Variants in RBFOX1 observed in about 807,000 individuals in gnomAD.
RBFOX1 encodes RNA binding protein fox-1 homolog 1.
A neutral mutation model predicts 57.7 loss-of-function variants in RBFOX1; 8 were observed. The observed-to-expected ratio is 0.14, with a 90% CI of 0.08 to 0.25. The LOEUF (loss-of-function observed/expected upper bound fraction) is 0.25, where lower values mean the gene tolerates loss of function less well. Among genes scored for constraint, RBFOX1 ranks in the 10% least tolerant of loss-of-function variants. RBFOX1 has a pLI of 1.00. For missense variants in RBFOX1, 611 were observed against 548.5 expected (o/e 1.11, Z -1.14); for synonymous variants, 326 against 222.4 (o/e 1.47, Z -4.15).
At chr16:7,031,445 A>C (rs2042766080) in intron 3 of RBFOX1, among the ~76,000 whole-genome samples, 2 of 151,920 alleles carry the variant, frequency 1.3e-5, no homozygotes, top group Admixed American at 1.3e-4. Context: ...AAAATACAAA[A>C]ATTAGCTAGG....
intron 1 of RBFOX1, among the ~76,000 whole-genome samples, chr16:6,296,772 C>T (rs888754193): frequency 1.3e-5 from 2 of 152,122 alleles, no homozygotes; most frequent in South Asian, 4.1e-4. Context: ...GTGATCAGAT[C>T]CACATGAGTT....
intron 4 of RBFOX1, among the ~76,000 whole-genome samples, chr16:7,132,347 C>G (rs1235970614): frequency 1.3e-5 from 2 of 151,840 alleles, no homozygotes; most frequent in Non-Finnish European, 2.9e-5. Context: ...CCTATGTTCA[C>G]TGCAGCATTA....
chr16:6,650,134 G>C (rs1194393442), intron 2 of RBFOX1, among the ~76,000 whole-genome samples: 1 of 152,154 alleles, frequency 6.6e-6, no homozygotes, highest in African/African-American at 2.4e-5. Flanking sequence ...AATTTTTTGA[G>C]AAGCCTCCAC....
chr16:6,143,452 C>T (rs2096733990), intron 1 of RBFOX1, among the ~76,000 whole-genome samples: 1 of 152,100 alleles, frequency 6.6e-6, no homozygotes, highest in African/African-American at 2.4e-5. Flanking sequence ...GAGGTGATCC[C>T]AATGCTCACA....
chr16:5,503,908 A>T (rs1320115271), intron 2 of RBFOX1, among the ~76,000 whole-genome samples: 2 of 152,124 alleles, frequency 1.3e-5, no homozygotes, highest in Admixed American at 1.3e-4. Context: ...TTCTATCTCT[A>T]CAGATTTGCC....
intron 2 of RBFOX1, among the ~76,000 whole-genome samples, chr16:5,509,588 A>G (rs1255359480): frequency 6.6e-6 from 1 of 152,186 alleles, no homozygotes; most frequent in Non-Finnish European, 1.5e-5. Flanking sequence ...TCTCTTATTC[A>G]CAGAGCAGTG....
intron 3 of RBFOX1, among the ~76,000 whole-genome samples, chr16:5,672,553 G>T (rs540409480): frequency 6.6e-6 from 1 of 152,182 alleles, no homozygotes; most frequent in South Asian, 2.1e-4. Context: ...AGTGCGCCAC[G>T]TTCTCTGTAA....
chr16:7,275,312 A>C (rs760525912), intron 4 of RBFOX1, among the ~76,000 whole-genome samples: 6 of 152,214 alleles, frequency 3.9e-5, no homozygotes, highest in African/African-American at 7.2e-5. Context: ...TCGTTATATA[A>C]TATTCAAATG....
chr16:6,615,291 G>A (rs1263885479), intron 2 of RBFOX1, among the ~76,000 whole-genome samples: 3 of 152,068 alleles, frequency 2.0e-5, no homozygotes, highest in Admixed American at 6.6e-5. Flanking sequence ...AAATACATTC[G>A]TATTTAAGAT....
intron 10 of RBFOX1, among the ~76,000 whole-genome samples, chr16:7,623,609 C>T (rs1199734211): frequency 6.6e-6 from 1 of 152,178 alleles, no homozygotes; most frequent in Non-Finnish European, 1.5e-5. Flanking sequence ...TGTCAATACA[C>T]ATGAAGCTTT....
intron 1 of RBFOX1, among the ~76,000 whole-genome samples, chr16:5,272,201 A>T (rs1230381079): frequency 6.6e-6 from 1 of 152,218 alleles, no homozygotes; most frequent in African/African-American, 2.4e-5. Context: ...TTTCAAAATA[A>T]CTAAGAGGGT....
At chr16:7,369,266 C>G (rs2097525463) in intron 4 of RBFOX1, among the ~76,000 whole-genome samples, 1 of 152,032 alleles carries the variant, frequency 6.6e-6, no homozygotes, top group Non-Finnish European at 1.5e-5. Flanking sequence ...TCCTGCAGCT[C>G]TCGGGGGCTG....
At chr16:7,059,368 T>G (rs891201605) in intron 4 of RBFOX1, among the ~76,000 whole-genome samples, 12 of 152,204 alleles carry the variant, frequency 7.9e-5, no homozygotes, top group Non-Finnish European at 1.6e-4. Flanking sequence ...TAGAAATGCC[T>G]GCTTCTGTTC....
At chr16:7,307,797 C>T (rs1013351209) in intron 4 of RBFOX1, among the ~76,000 whole-genome samples, 1 of 152,182 alleles carries the variant, frequency 6.6e-6, no homozygotes, top group Admixed American at 6.5e-5. Context: ...GGTTGTCAAC[C>T]ACTTTCAGAT....
In RBFOX1 at chr16:6,745,509, T is replaced by C. The variant is rs572449213; in HGVS notation, c.-16+90859T>C. On this transcript the variant is annotated intron_variant, in intron 3 of 15. Transcript: ENST00000550418. ...AGATGCCTTAACATTTGAAAATCAA[T>C]TTATGAAATACACCATATTAACAAC... is the stretch of plus-strand genomic sequence containing the variant. 6.6e-5 allele frequency among the ~76,000 whole-genome samples: 10 copies of C among 152,294 alleles called. No individual in the cohort carries two copies. In the East Asian group the frequency reaches 1.9e-3, roughly 29 times the overall value.
chr16:7,382,870 T>C (rs1460587585), intron 4 of RBFOX1, among the ~76,000 whole-genome samples: 1 of 152,214 alleles, frequency 6.6e-6, no homozygotes, highest in African/African-American at 2.4e-5. Context: ...TGCAATTAAA[T>C]TGAGGAGCTG....
Position 7,483,290 on chromosome 16 carries a change from G to A in RBFOX1, c.28-34857G>A, listed in dbSNP as rs191754011. 1.8e-3 allele frequency among the ~76,000 whole-genome samples: 269 copies of A among 152,282 alleles called. 1 individual carries two copies. Among genetic ancestry groups the A allele is most frequent in the African/African-American group, 6.1e-3 (253 of 41,562 alleles). ...TCGTTGCAATACTTGGGTTCTTGAC[G>A]AAGAGCGTTGGCTTCACAATCTGGC... On this transcript the variant is annotated intron_variant, in intron 4 of 15. Coordinates refer to ENST00000550418, the MANE Select transcript of RBFOX1 (RefSeq NM_018723.4).
intron 4 of RBFOX1, among the ~76,000 whole-genome samples, chr16:7,508,948 G>C (rs1204652272): frequency 2.0e-5 from 3 of 152,326 alleles, no homozygotes; most frequent in African/African-American, 7.2e-5. Context: ...CCCTTGACAA[G>C]CAAGAAAGAC....
intron 4 of RBFOX1, among the ~76,000 whole-genome samples, chr16:7,174,560 C>G (rs1473087550): frequency 6.6e-6 from 1 of 152,318 alleles, no homozygotes; most frequent in East Asian, 1.9e-4. Flanking sequence ...GCAGGCCAAT[C>G]ACTTGAGGTC....
Sources: allele counts gnomAD v4.1 joint callset (sites outside exome capture counted in the v4.1 genomes callset), GRCh38; gene constraint gnomAD v4.1.1; transcripts MANE v1.5; gene names NCBI Gene and HGNC (gene_info 2026-07-23, HGNC 2026-07-21).